The following EYA4 variants were observed in gnomAD, a reference collection of about 807,000 sequenced individuals.
EYA4 encodes EYA transcriptional coactivator and phosphatase 4.
Under a neutral mutation model 87.9 loss-of-function variants are expected in EYA4, and 31 were observed. The observed-to-expected ratio is 0.35, with a 90% CI of 0.27 to 0.48. The LOEUF is 0.48. Ranked by LOEUF, EYA4 falls within the 20% of genes least tolerant of loss-of-function variation. The probability of loss-of-function intolerance (pLI) is 0.99; values close to 1 mark genes in which losing one functional copy is unlikely to be tolerated. For synonymous variants in EYA4, 263 were observed against 270.6 expected, an observed-to-expected ratio of 0.97 and a Z score of 0.28; for missense variants, 678 against 761.4, an observed-to-expected ratio of 0.89 and a Z score of 1.29.
intron 14 of EYA4, chr6:133,510,370 T>G (rs1799040539): frequency 8.7e-6 from 2 of 230,998 alleles, no homozygotes; most frequent in Non-Finnish European, 1.8e-5. Context: ...TGACACCATT[T>G]CAATAGTGAT....
chr6:133,294,637 G>A (rs977954676), intron 2 of EYA4, among the ~76,000 whole-genome samples: 1 of 151,880 alleles, frequency 6.6e-6, no homozygotes, highest in African/African-American at 2.4e-5. Flanking sequence ...GTGCGATCTC[G>A]ATTCACTGCA....
At chr6:133,408,396 G>T (rs1242187150) in intron 3 of EYA4, among the ~76,000 whole-genome samples, 1 of 152,154 alleles carries the variant, frequency 6.6e-6, no homozygotes, top group Non-Finnish European at 1.5e-5. Flanking sequence ...CCTCTTGAAT[G>T]ATTTATGTAG....
intron 2 of EYA4, among the ~76,000 whole-genome samples, chr6:133,320,732 A>T (rs1262688711): frequency 6.6e-6 from 1 of 151,946 alleles, no homozygotes; most frequent in Non-Finnish European, 1.5e-5. Context: ...CTTTATGTTC[A>T]TGTGTACCCA....
At chr6:133,328,902 T>C (rs780149183) in intron 2 of EYA4, among the ~76,000 whole-genome samples, 3 of 152,160 alleles carry the variant, frequency 2.0e-5, no homozygotes, top group Non-Finnish European at 4.4e-5. Context: ...CCATCTGATA[T>C]TAAGTTAAAC....
intron 2 of EYA4, among the ~76,000 whole-genome samples, chr6:133,293,438 G>A (rs433294): frequency 0.52 from 79,242 of 151,858 alleles, 22,401 homozygotes; most frequent in African/African-American, 0.72. Context: ...AACACTTGAT[G>A]ACTGAATACT....
chr6:133,399,799 GT>G (rs1290461592), intron 3 of EYA4, among the ~76,000 whole-genome samples: 1 of 152,100 alleles, frequency 6.6e-6, no homozygotes, highest in Non-Finnish European at 1.5e-5. Context: ...TCCAGAGTAG[GT>G]TTCTTAAAAT....
At chr6:133,269,479 T>C (rs1776507358) in intron 1 of EYA4, among the ~76,000 whole-genome samples, 1 of 150,788 alleles carries the variant, frequency 6.6e-6, no homozygotes, top group Non-Finnish European at 1.5e-5. Flanking sequence ...TTTCTGACTT[T>C]TAAGAATGAA....
rs1034357647 is a variant in EYA4 at position 133,484,016 on chromosome 6, C to T, written c.1191+901C>T. On this transcript the variant is annotated intron_variant, in intron 13 of 19. Transcript: ENST00000355286. The stretch of plus-strand genomic sequence containing the variant: ...CTGGGATTACAGGCGTGAGCCACCA[C>T]ACCCAGCAGTTATTTTTATAGTTAG... Among the ~76,000 whole-genome samples, 5 of 152,254 alleles carry T rather than the reference C, an allele frequency of 3.3e-5. No individual in the cohort carries two copies. In the East Asian group the frequency reaches 9.7e-4, roughly 29 times the overall value.
At chr6:133,519,413 T>A (rs1799902119) in intron 17 of EYA4, among the ~76,000 whole-genome samples, 1 of 142,188 alleles carries the variant, frequency 7.0e-6, no homozygotes, top group African/African-American at 2.9e-5. Context: ...GATACATTCC[T>A]CGACACATAC....
chr6:133,527,390 T>C (rs1025923510), intron 19 of EYA4, among the ~76,000 whole-genome samples: 9 of 152,224 alleles, frequency 5.9e-5, no homozygotes, highest in Non-Finnish European at 1.3e-4. Flanking sequence ...TAGGAATGTC[T>C]AGCTGCGCTC....
chr6:133,502,866 T>C (rs1418088781), intron 13 of EYA4, among the ~76,000 whole-genome samples: 1 of 152,146 alleles, frequency 6.6e-6, no homozygotes, highest in African/African-American at 2.4e-5. Flanking sequence ...TAGGCCTTGC[T>C]CTCTGGAAAG....
chr6:133,388,742 C>A (rs1786990410), intron 3 of EYA4, among the ~76,000 whole-genome samples: 1 of 152,170 alleles, frequency 6.6e-6, no homozygotes, highest in Admixed American at 6.5e-5. Flanking sequence ...AGGCTACAAC[C>A]AAAAGGAGGA....
chr6:133,338,227 T>A (rs1184717538), intron 2 of EYA4, among the ~76,000 whole-genome samples: 14 of 152,106 alleles, frequency 9.2e-5, no homozygotes, highest in Non-Finnish European at 1.9e-4. Context: ...ACATTGAAAA[T>A]TTTTAATGAG....
chr6:133,448,081 A>C, intron 4 of EYA4, 30 bp from the exon 5 acceptor site: 2 of 1,566,804 alleles, frequency 1.3e-6, no homozygotes, highest in Non-Finnish European at 1.8e-6. Flanking sequence ...GCATTCAGAC[A>C]ATGAACTTTT....
At chr6:133,343,388 G>A (rs1362080533) in intron 2 of EYA4, among the ~76,000 whole-genome samples, 2 of 152,120 alleles carry the variant, frequency 1.3e-5, no homozygotes, top group Non-Finnish European at 2.9e-5. Context: ...TGAGCTCAAT[G>A]CTTTCTCTTG....
Position 133,274,925 on chromosome 6 carries a change from A to G in EYA4, c.33+112A>G, listed in dbSNP as rs3734278. On this transcript the variant is annotated intron_variant, in intron 2 of 19. Coordinates refer to ENST00000355286, the MANE Select transcript of EYA4 (RefSeq NM_004100.5). ...AGTTTTTCATTAAATATATTTTTAA[A>G]TGATTTTTGAATTTCCTTTCAAAGA... The G allele has an allele frequency of 5.4e-5, 46 of 853,424 alleles. No individual in the cohort carries two copies. The East Asian group carries it at 1.2e-3, about 22-fold the overall frequency. 52.9% of individuals were successfully genotyped at this position (853,424 alleles called of 1,614,324 possible). A position where few individuals can be genotyped will look rare whatever the true frequency, so the allele number is the denominator to read the frequency against.
At chr6:133,454,146 C>T (rs558143499) in intron 5 of EYA4, among the ~76,000 whole-genome samples, 2 of 152,086 alleles carry the variant, frequency 1.3e-5, no homozygotes, top group South Asian at 2.1e-4. Context: ...CACCTCCATT[C>T]GCAAGTAAAA....
At chr6:133,425,655 T>C (rs1456712679) in intron 3 of EYA4, among the ~76,000 whole-genome samples, 8 of 150,724 alleles carry the variant, frequency 5.3e-5, no homozygotes. Context: ...GTTATTCTGC[T>C]TCCTAAATGC....
Position 133,529,262 on chromosome 6 carries a change from A to AC in EYA4, c.*458dup. 1 of 1,039,946 alleles carries AC rather than the reference A, an allele frequency of 9.6e-7. No homozygotes were observed. Among genetic ancestry groups the AC allele is most frequent in the African/African-American group, 1.7e-5 (1 of 59,216 alleles). 64.4% of individuals were successfully genotyped at this position (1,039,946 alleles called of 1,614,324 possible). On this transcript the variant is annotated 3_prime_UTR_variant, in exon 20 of 20. Transcript: ENST00000355286. ...TGGAATGCACTCAGACTGTATAAGG[A>AC]CAGTCCTATTTAGACATGTAATTTG...
Sources: gnomAD v4.1 joint callset for allele counts (sites outside exome capture counted in the v4.1 genomes callset) on GRCh38, gnomAD v4.1.1 for gene constraint, MANE v1.5 for transcripts, NCBI Gene and HGNC (gene_info 2026-07-23, HGNC 2026-07-21) for gene names.